The following RALYL variants were observed in gnomAD, a reference collection of about 807,000 sequenced individuals.
RALYL encodes the protein RALY RNA binding protein like, also known as RNA-binding Raly-like protein.
A neutral mutation model predicts 35.1 loss-of-function variants in RALYL; 29 were observed. The observed-to-expected ratio is 0.83, with a 90% CI of 0.61 to 1.13. RALYL has a LOEUF of 1.13. Ranked by LOEUF, RALYL falls within the 50% of genes most tolerant of loss-of-function variation. The pLI, the probability that RALYL is intolerant of heterozygous loss-of-function variation, is 0.00. For missense variants in RALYL, 359 were observed against 360.4 expected (o/e 1.00, Z 0.03); for synonymous variants, 120 against 127.6 (o/e 0.94, Z 0.40).
intron 2 of RALYL, among the ~76,000 whole-genome samples, chr8:84,547,267 T>A (rs1411343780): frequency 1.3e-5 from 2 of 152,204 alleles, no homozygotes; most frequent in Non-Finnish European, 2.9e-5. Flanking sequence ...TTAACATAGG[T>A]ATTTAGCGTT....
intron 2 of RALYL, among the ~76,000 whole-genome samples, chr8:84,592,186 TCTC>T (rs1813454203): frequency 6.6e-6 from 1 of 152,158 alleles, no homozygotes; most frequent in Admixed American, 6.6e-5. Context: ...TATTTAACAT[TCTC>T]ATAACTTGCT....
chr8:84,907,626 A>G (rs996916968), intron 8 of RALYL, among the ~76,000 whole-genome samples: 2 of 152,064 alleles, frequency 1.3e-5, no homozygotes, highest in African/African-American at 4.8e-5. Context: ...AGATATTTTC[A>G]TTGTATTAGG....
chr8:84,675,997 T>C (rs1834117887), intron 2 of RALYL, among the ~76,000 whole-genome samples: 1 of 152,216 alleles, frequency 6.6e-6, no homozygotes, highest in South Asian at 2.1e-4. Context: ...ATTAGTGTAA[T>C]GTGGCAATCA....
intron 4 of RALYL, among the ~76,000 whole-genome samples, chr8:84,825,234 A>T (rs1393018917): frequency 6.6e-6 from 1 of 152,202 alleles, no homozygotes; most frequent in African/African-American, 2.4e-5. Context: ...GCCAACAAAC[A>T]TATGAGTAAA....
intron 4 of RALYL, among the ~76,000 whole-genome samples, chr8:84,821,038 C>T (rs543067758): frequency 3.1e-4 from 47 of 152,064 alleles, no homozygotes; most frequent in Non-Finnish European, 5.0e-4. Context: ...CACTCGGCTA[C>T]CTTCAACTCA....
chr8:84,602,980 G>A (rs1474985684), intron 2 of RALYL, among the ~76,000 whole-genome samples: 1 of 152,084 alleles, frequency 6.6e-6, no homozygotes, highest in African/African-American at 2.4e-5. Context: ...ATTTAGCAAT[G>A]TGAAGTGTTG....
intron 2 of RALYL, among the ~76,000 whole-genome samples, chr8:84,548,693 GT>G (rs945681464): frequency 3.9e-5 from 6 of 152,068 alleles, no homozygotes; most frequent in Non-Finnish European, 8.8e-5. Flanking sequence ...CACTTTTGTT[GT>G]TTTCAAAAGT....
chr8:84,330,479 GTTA>G (rs1436608131), intron 1 of RALYL, among the ~76,000 whole-genome samples: 1 of 152,068 alleles, frequency 6.6e-6, no homozygotes, highest in Non-Finnish European at 1.5e-5. Context: ...AACAACCAAA[GTTA>G]TTATCTGCTG....
At chr8:84,397,099 A>G (rs1056407430) in intron 1 of RALYL, among the ~76,000 whole-genome samples, 1 of 152,150 alleles carries the variant, frequency 6.6e-6, no homozygotes, top group Non-Finnish European at 1.5e-5. Flanking sequence ...GATCAAAGAC[A>G]GAAGGAAATG....
chr8:84,352,851 T>C (rs139642019), intron 1 of RALYL, among the ~76,000 whole-genome samples: 1 of 150,272 alleles, frequency 6.7e-6, no homozygotes, highest in East Asian at 1.9e-4. Flanking sequence ...CATTTGAACA[T>C]TGAGCTCTGG....
At chr8:84,898,088 G>A (rs577429454) in intron 8 of RALYL, among the ~76,000 whole-genome samples, 1 of 152,300 alleles carries the variant, frequency 6.6e-6, no homozygotes, top group East Asian at 1.9e-4. Context: ...AGGTATGAAA[G>A]AATTGGGGAA....
In RALYL at chr8:84,761,809, C is replaced by T. The variant is rs557971929; in HGVS notation, c.257-12770C>T. ...TGGGAGGGGGTCCAGTAATATACAA[C>T]ATACATAATAAATTTTAAAATAGCA... On this transcript the variant is annotated intron_variant, in intron 2 of 8. Transcript: ENST00000521268. Among the ~76,000 whole-genome samples, 3 of 152,216 alleles carry T rather than the reference C, an allele frequency of 2.0e-5. No individual in the cohort carries two copies. In the South Asian group the frequency reaches 6.2e-4, roughly 32 times the overall value.
chr8:84,905,341 T>A (rs1846310056), intron 8 of RALYL, among the ~76,000 whole-genome samples: 1 of 152,192 alleles, frequency 6.6e-6, no homozygotes, highest in Admixed American at 6.5e-5. Flanking sequence ...ATTTAGGTTA[T>A]TTCCACATCT....
At chr8:84,371,365 C>G (rs1330329386) in intron 1 of RALYL, among the ~76,000 whole-genome samples, 4 of 152,016 alleles carry the variant, frequency 2.6e-5, no homozygotes, top group Non-Finnish European at 5.9e-5. Context: ...GCGTCTCTCA[C>G]TCTTTCTCCG....
intron 1 of RALYL, among the ~76,000 whole-genome samples, chr8:84,297,810 AT>A (rs778093483): frequency 2.2e-4 from 33 of 151,868 alleles, no homozygotes; most frequent in Admixed American, 2.6e-4. Flanking sequence ...GTTATTGAGC[AT>A]TTTTTCATAT....
rs558028549 is a variant in RALYL at position 84,485,487 on chromosome 8, G to A, written c.-23-43812G>A. 9.2e-5 allele frequency among the ~76,000 whole-genome samples: 14 copies of A among 152,180 alleles called. No individual in the cohort carries two copies. In the East Asian group the frequency reaches 1.9e-3, roughly 21 times the overall value. ...CTCAAATACTCAGGAGGCTGAGACAGTAGCATCTCTTGAACCAAGGGAGGC... is the reference window on the plus strand; with the variant it reads ...CTCAAATACTCAGGAGGCTGAGACAATAGCATCTCTTGAACCAAGGGAGGC... On this transcript the variant is annotated intron_variant, in intron 1 of 8. Coordinates refer to ENST00000521268, the MANE Select transcript of RALYL (RefSeq NM_173848.7).
chr8:84,570,816 A>G (rs1016805477), intron 2 of RALYL, among the ~76,000 whole-genome samples: 1 of 151,636 alleles, frequency 6.6e-6, no homozygotes, highest in Admixed American at 6.6e-5. Flanking sequence ...ATTTTATTGG[A>G]TGCTTCTTCT....
At chr8:84,800,832 C>T (rs541936388) in intron 3 of RALYL, among the ~76,000 whole-genome samples, 6 of 152,176 alleles carry the variant, frequency 3.9e-5, no homozygotes, top group African/African-American at 1.4e-4. Context: ...ACCAACACTA[C>T]TAAAATGATC....
At chr8:84,453,612 C>T (rs1272482011) in intron 1 of RALYL, among the ~76,000 whole-genome samples, 1 of 151,334 alleles carries the variant, frequency 6.6e-6, no homozygotes, top group African/African-American at 2.4e-5. Flanking sequence ...AGTGCCAAGG[C>T]AACTCAGAGA....
Sources: allele counts gnomAD v4.1 joint callset (sites outside exome capture counted in the v4.1 genomes callset), GRCh38; gene constraint gnomAD v4.1.1; transcripts MANE v1.5; gene names NCBI Gene and HGNC (gene_info 2026-07-23, HGNC 2026-07-21).